Variants in UNC79 observed in about 807,000 individuals in gnomAD.
UNC79 encodes the protein protein unc-79 homolog.
A neutral mutation model predicts 283.1 loss-of-function variants in UNC79; 37 were observed. That is an observed-to-expected ratio of 0.13 (90% CI 0.10 to 0.17). UNC79 has a LOEUF of 0.17. UNC79 is among the 10% of genes least tolerant of loss of function. The pLI, the probability that UNC79 is intolerant of heterozygous loss-of-function variation, is 1.00. For missense variants in UNC79, 2,272 were observed against 3,211.1 expected (o/e 0.71, Z 7.07); for synonymous variants, 1,107 against 1,200.2 (o/e 0.92, Z 1.61).
At chr14:93,413,106 A>G (rs903487099) in intron 1 of UNC79, among the ~76,000 whole-genome samples, 2 of 151,974 alleles carry the variant, frequency 1.3e-5, no homozygotes, top group African/African-American at 2.4e-5. Flanking sequence ...ATATGTATAC[A>G]TGTGCCATGC....
At position 93,360,044 on chromosome 14, in the gene UNC79, G is replaced by A. The variant is rs538888660; in HGVS notation, c.-351+26521G>A. 7.2e-5 allele frequency among the ~76,000 whole-genome samples: 11 copies of A among 152,266 alleles called. No individual in the cohort carries two copies. In the East Asian group the frequency reaches 1.9e-3, roughly 27 times the overall value. On this transcript the variant is annotated intron_variant, in intron 1 of 49. Coordinates refer to the UNC79 transcript ENST00000256339. ...TCCAGTTAAAGTAGGGACTTATGGAGGTAAGGTAATTAATGGAGTGTTAGC... is the reference window on the plus strand; with the variant it reads ...TCCAGTTAAAGTAGGGACTTATGGAAGTAAGGTAATTAATGGAGTGTTAGC...
At chr14:93,660,660 G>T (rs1009005514) in intron 39 of UNC79, among the ~76,000 whole-genome samples, 1 of 149,812 alleles carries the variant, frequency 6.7e-6, no homozygotes, top group African/African-American at 2.5e-5. Context: ...TGCCAACTTG[G>T]CTCACTGCAG....
intron 30 of UNC79, among the ~76,000 whole-genome samples, chr14:93,623,754 G>A (rs1050928211): frequency 3.9e-5 from 6 of 152,162 alleles, no homozygotes; most frequent in Non-Finnish European, 5.9e-5. Context: ...TTAGTTGGGC[G>A]TGGTGGCGCA....
At chr14:93,414,260 C>T (rs2055402428) in intron 1 of UNC79, among the ~76,000 whole-genome samples, 1 of 152,170 alleles carries the variant, frequency 6.6e-6, no homozygotes, top group Non-Finnish European at 1.5e-5. Context: ...AGCCAGTTTT[C>T]CCAGTGCCAT....
intron 41 of UNC79, among the ~76,000 whole-genome samples, chr14:93,681,234 A>T (rs1272971758): frequency 6.6e-6 from 1 of 152,202 alleles, no homozygotes; most frequent in Non-Finnish European, 1.5e-5. Context: ...GCTCTTGGGG[A>T]CAGCTCTGCT....
rs911141973 is a variant in UNC79 at position 93,474,231 on chromosome 14, C to G, written c.286C>G (p.Arg96Gly). 1.3e-6 allele frequency: 2 copies of G among 1,535,970 alleles called. No homozygotes were observed. The highest frequency in any genetic ancestry group is 1.4e-5 in the African/African-American group (1 of 73,044). The change falls in exon 3 of 49, where the codon CGC becomes GGC. Residue 96 changes from arginine (R) to glycine (G), a missense_variant. By Grantham distance (125) the Arg-to-Gly change is moderately radical. Coordinates refer to ENST00000555664, the Ensembl canonical transcript of UNC79. The surrounding 1 kb of genome is among the most constrained non-coding windows in gnomAD (Gnocchi z 4.1). ...CAGTTCCATCAACCCTACTGTTACT[C>G]GCTCCCTCCTTTACAGCGTCCTGCG...
chr14:93,603,150 ACT>A, intron 25 of UNC79, 87 bp from the exon 26 acceptor site: 4 of 1,439,292 alleles, frequency 2.8e-6, no homozygotes, highest in South Asian at 1.4e-5. Flanking sequence ...TAATATTGAA[ACT>A]CTACACAGAT....
intron 39 of UNC79, among the ~76,000 whole-genome samples, 161 bp downstream of exon 42, chr14:93,659,422 G>A (rs542427120): frequency 6.6e-6 from 1 of 152,090 alleles, no homozygotes. Context: ...CTTGTATAAA[G>A]AACTCTATCT....
chr14:93,704,790 A>C, intron 48 of UNC79, 124 bp downstream of exon 51: 1 of 1,246,332 alleles, frequency 8.0e-7, no homozygotes. Flanking sequence ...CTGGCCTTAG[A>C]GGGCTGATAA....
intron 35 of UNC79, among the ~76,000 whole-genome samples, chr14:93,652,793 C>A (rs2140330143): frequency 6.6e-6 from 1 of 152,202 alleles, no homozygotes; most frequent in Admixed American, 6.5e-5. Flanking sequence ...GTCTGTCTGT[C>A]CTCTTCCCAT....
intron 25 of UNC79, 68 bp downstream of exon 25, chr14:93,600,838 G>T (rs1367794250): frequency 6.5e-7 from 1 of 1,545,362 alleles, no homozygotes; most frequent in Non-Finnish European, 8.8e-7. Context: ...ACAAACAGAA[G>T]ACATTGGCAT....
At chr14:93,463,278 G>A (rs899105997) in intron 1 of UNC79, among the ~76,000 whole-genome samples, 18 of 152,094 alleles carry the variant, frequency 1.2e-4, no homozygotes, top group African/African-American at 4.3e-4. Flanking sequence ...GCAATCTGGA[G>A]GCTCTAGATG....
In UNC79 at chr14:93,357,809, ATATATATATATGGATATATGGATATG is replaced by A. The variant is rs1198399663; in HGVS notation, c.-351+24296_-351+24321del. ...TGGATATATATATATGGATATATGG[ATATATATATATGGATATATGGATATG>A]TATATATATGGATATATGGATATAT... On this transcript the variant is annotated intron_variant, in intron 1 of 49. Transcript: ENST00000256339. 4.4e-4 allele frequency among the ~76,000 whole-genome samples: 42 copies of A among 94,992 alleles called. 1 individual carries two copies. Among genetic ancestry groups the A allele is most frequent in the African/African-American group, 1.2e-3 (30 of 25,478 alleles). 62.3% of individuals were successfully genotyped at this position (94,992 alleles called of 152,430 possible).
chr14:93,592,751 CA>C (rs1480222794), intron 22 of UNC79, among the ~76,000 whole-genome samples: 3 of 152,004 alleles, frequency 2.0e-5, no homozygotes, highest in Non-Finnish European at 4.4e-5. Context: ...AAAATGGAAA[CA>C]ATAATGTATT....
At chr14:93,671,979 A>T (rs1321168063) in intron 40 of UNC79, among the ~76,000 whole-genome samples, 1 of 152,194 alleles carries the variant, frequency 6.6e-6, no homozygotes, top group Non-Finnish European at 1.5e-5. Context: ...CAAAACCACA[A>T]TGAGATATCA....
chr14:93,600,553 T>C lies in UNC79; in HGVS notation c.3373-16T>C. The C allele has an allele frequency of 1.3e-6, 2 of 1,560,146 alleles. No homozygotes were observed. The highest frequency in any genetic ancestry group is 1.7e-6 in the Non-Finnish European group (2 of 1,154,078). On this transcript the variant is annotated splice_polypyrimidine_tract_variant and intron_variant, in intron 24 of 48. Coordinates refer to ENST00000555664, the Ensembl canonical transcript of UNC79. ...GACTTTCTTCTTTTCTTTTTTTTTT[T>C]CCTCCTCTTTCCCAGGGTCTATGTC...
intron 5 of UNC79, among the ~76,000 whole-genome samples, chr14:93,490,038 GT>G (rs2058648155): frequency 6.6e-6 from 1 of 152,216 alleles, no homozygotes; most frequent in African/African-American, 2.4e-5. Context: ...AGGCACTGGG[GT>G]ATAGGACTGA....
chr14:93,362,479 G>A (rs1263999253), intron 1 of UNC79, among the ~76,000 whole-genome samples: 2 of 152,092 alleles, frequency 1.3e-5, no homozygotes, highest in African/African-American at 4.8e-5. Context: ...CTCCCAAGTA[G>A]CTAGGATTAC....
At chr14:93,344,706 G>A (rs1251711138) in intron 1 of UNC79, among the ~76,000 whole-genome samples, 1 of 152,198 alleles carries the variant, frequency 6.6e-6, no homozygotes, top group Non-Finnish European at 1.5e-5. Flanking sequence ...TTTCTTACAG[G>A]ACTCGTGTAA....
Sources: gnomAD v4.1 joint callset for allele counts (sites outside exome capture counted in the v4.1 genomes callset) on GRCh38, gnomAD v4.1.1 for gene constraint, Gnocchi (gnomAD v3.1) non-coding constraint, MANE v1.5 for transcripts, NCBI Gene and HGNC (gene_info 2026-07-23, HGNC 2026-07-21) for gene names.